Variants in R3HCC1L observed in about 807,000 individuals in gnomAD.
R3HCC1L encodes coiled-coil domain-containing protein R3HCC1L.
A neutral mutation model predicts 59.9 loss-of-function variants in R3HCC1L; 51 were observed. That is an observed-to-expected ratio of 0.85 (90% CI 0.68 to 1.07). The LOEUF is 1.07. Among genes scored for constraint, R3HCC1L ranks in the 50% least tolerant of loss-of-function variants. R3HCC1L has a pLI of 0.00. For synonymous variants in R3HCC1L, 322 were observed against 315.2 expected (o/e 1.02, Z -0.23); for missense variants, 965 against 933.0 (o/e 1.03, Z -0.45).
chr10:98,169,386 G>A (rs1848286427), intron 4 of R3HCC1L, among the ~76,000 whole-genome samples: 1 of 152,012 alleles, frequency 6.6e-6, no homozygotes, highest in African/African-American at 2.4e-5. Context: ...TATAAAATTG[G>A]GATAATCATA....
chr10:98,183,130 T>C (rs1054878104), intron 4 of R3HCC1L, among the ~76,000 whole-genome samples: 4 of 152,192 alleles, frequency 2.6e-5, no homozygotes, highest in African/African-American at 9.6e-5. Flanking sequence ...TCAGTCACAC[T>C]GGGAGCAGCA....
At chr10:98,240,483 A>G (rs1174384655) in intron 9 of R3HCC1L, among the ~76,000 whole-genome samples, 1 of 152,168 alleles carries the variant, frequency 6.6e-6, no homozygotes, top group Non-Finnish European at 1.5e-5. Flanking sequence ...ATTTATTTTC[A>G]TTTTATTCTT....
At chr10:98,184,058 C>CGTGTGT (rs148665186) in intron 4 of R3HCC1L, among the ~76,000 whole-genome samples, 1 of 142,184 alleles carries the variant, frequency 7.0e-6, no homozygotes, top group Non-Finnish European at 1.5e-5. Flanking sequence ...TTTCCTGAGA[C>CGTGTGT]GTGTGTGTGT....
At chr10:98,138,270 T>C (rs1220171836) in intron 1 of R3HCC1L, among the ~76,000 whole-genome samples, 1 of 152,252 alleles carries the variant, frequency 6.6e-6, no homozygotes, top group Non-Finnish European at 1.5e-5. Flanking sequence ...TACCTTTAGT[T>C]ATGAATCAGC....
At chr10:98,155,643 A>G (rs375365154) in intron 1 of R3HCC1L, among the ~76,000 whole-genome samples, 1 of 152,110 alleles carries the variant, frequency 6.6e-6, no homozygotes, top group Admixed American at 6.5e-5. Flanking sequence ...AGGATTTATA[A>G]CAAAATATAG....
rs780948902 is a variant in R3HCC1L, at chr10:98,209,309, G to C, written c.1195G>C (p.Val399Leu). 1.9e-5 allele frequency: 31 copies of C among 1,613,866 alleles called. No individual in the cohort carries two copies. Among genetic ancestry groups the C allele is most frequent in the Non-Finnish European group, 1.8e-5 (21 of 1,179,948 alleles). ...VTVDSPYVVA[V>L]RIADETSINT... ...TGTTGATAGCCCTTATGTAGTTGCA[G>C]TTAGAATAGCTGATGAGACCTCTAT... Residue 399 changes from valine to leucine, a missense_variant, in exon 5 of 10, where the codon GTT becomes CTT. Val to Leu is a conservative substitution (Grantham distance 32). Transcript: ENST00000298999.
Position 98,209,591 on chromosome 10 carries a change from A to T in R3HCC1L, c.1477A>T (p.Met493Leu), listed in dbSNP as rs754877973. 4 of 1,614,038 alleles carry T rather than the reference A, an allele frequency of 2.5e-6. No individual in the cohort carries two copies. Among genetic ancestry groups the T allele is most frequent in the Admixed American group, 1.7e-5 (1 of 60,004 alleles). ...CACTTTTTTGGACTCTGAACTCAGT[A>T]TGTTAAATGGGACAAAAGTTCTTTC... ...YNTFLDSELS[M>L]LNGTKVLSDS... Residue 493 changes from methionine (M) to leucine (L), a missense_variant, in exon 5 of 10, where the codon ATG (methionine) becomes TTG (leucine). Coordinates refer to ENST00000298999, the MANE Select transcript of R3HCC1L (RefSeq NM_001351015.2).
intron 4 of R3HCC1L, among the ~76,000 whole-genome samples, chr10:98,183,545 T>A (rs1466682830): frequency 2.0e-5 from 3 of 152,148 alleles, no homozygotes; most frequent in Non-Finnish European, 2.9e-5. Flanking sequence ...TCTTCATATT[T>A]TGTTTCTGTC....
intron 4 of R3HCC1L, among the ~76,000 whole-genome samples, chr10:98,198,159 A>C (rs1184617819): frequency 6.6e-6 from 1 of 152,086 alleles, no homozygotes; most frequent in Non-Finnish European, 1.5e-5. Context: ...GATACTGTTC[A>C]CCAAACTATG....
At chr10:98,164,004 C>G (rs900758493) in intron 4 of R3HCC1L, among the ~76,000 whole-genome samples, 2 of 152,170 alleles carry the variant, frequency 1.3e-5, no homozygotes, top group East Asian at 3.9e-4. Context: ...GGCTTTCTTA[C>G]TCACATCTAA....
intron 1 of R3HCC1L, among the ~76,000 whole-genome samples, chr10:98,136,494 C>T (rs1479474061): frequency 1.3e-5 from 2 of 152,084 alleles, no homozygotes; most frequent in Non-Finnish European, 2.9e-5. Context: ...TTCATATATA[C>T]CTTATATACA....
In R3HCC1L at chr10:98,204,403, C is replaced by CA. The variant is rs991759379; in HGVS notation, c.-14-3688dup. ...CTGGGCAACAAGAGCAAAACTGTCT[C>CA]AAAAAAAAAAGAGAGAGAGAGAAGA... is the stretch of plus-strand genomic sequence containing the variant. On this transcript the variant is annotated intron_variant, in intron 4 of 9. Transcript: ENST00000298999. Among the ~76,000 whole-genome samples the CA allele has an allele frequency of 7.1e-4, 102 of 142,938 alleles. 1 individual carries two copies. Among genetic ancestry groups the CA allele is most frequent in the Middle Eastern group, 3.5e-3 (1 of 282 alleles). The allele number at this position is 142,938 out of a possible 152,430, so 93.8% of individuals were successfully genotyped here. A position where few individuals can be genotyped will look rare whatever the true frequency, so the allele number is the denominator to read the frequency against.
chr10:98,160,234 G>A (rs938260324), intron 2 of R3HCC1L, among the ~76,000 whole-genome samples: 6 of 152,304 alleles, frequency 3.9e-5, no homozygotes, highest in African/African-American at 1.4e-4. Context: ...AGTGTTTTTC[G>A]TTTAGCCTAA....
intron 4 of R3HCC1L, among the ~76,000 whole-genome samples, chr10:98,206,419 A>G (rs1201224512): frequency 1.3e-5 from 2 of 151,250 alleles, no homozygotes; most frequent in African/African-American, 4.8e-5. Flanking sequence ...GATTATAGAA[A>G]TGATATTGAA....
At chr10:98,153,148 A>G (rs574749749) in intron 1 of R3HCC1L, among the ~76,000 whole-genome samples, 8 of 152,204 alleles carry the variant, frequency 5.3e-5, no homozygotes, top group Non-Finnish European at 8.8e-5. Context: ...CATGATGACA[A>G]TGGCGGTTTT....
intron 4 of R3HCC1L, among the ~76,000 whole-genome samples, chr10:98,168,848 G>A (rs964144303): frequency 6.6e-6 from 1 of 152,206 alleles, no homozygotes; most frequent in African/African-American, 2.4e-5. Flanking sequence ...TCACTGGTTG[G>A]TGGTCCCATG....
At chr10:98,203,493 A>G (rs914894418) in intron 4 of R3HCC1L, among the ~76,000 whole-genome samples, 1 of 152,248 alleles carries the variant, frequency 6.6e-6, no homozygotes, top group African/African-American at 2.4e-5. Flanking sequence ...TTGTTCTAGA[A>G]GAATGAATAG....
intron 7 of R3HCC1L, among the ~76,000 whole-genome samples, chr10:98,234,826 G>A (rs1230004832): frequency 1.3e-5 from 2 of 151,954 alleles, no homozygotes; most frequent in Non-Finnish European, 2.9e-5. Context: ...AAATATTGGT[G>A]ATTTTTTTTT....
At chr10:98,218,600 A>G (rs565443120) in intron 5 of R3HCC1L, among the ~76,000 whole-genome samples, 4 of 152,242 alleles carry the variant, frequency 2.6e-5, no homozygotes, top group East Asian at 1.9e-4. Context: ...TTGCTTTTCT[A>G]ATTCTTCGAG....
Sources: allele counts gnomAD v4.1 joint callset (sites outside exome capture counted in the v4.1 genomes callset), GRCh38; gene constraint gnomAD v4.1.1; transcripts MANE v1.5; gene names NCBI Gene and HGNC (gene_info 2026-07-23, HGNC 2026-07-21).